Variants in NETO2 observed in about 807,000 individuals in gnomAD.
The protein encoded by NETO2 is neuropilin and tolloid like 2.
Under a neutral mutation model 62.5 loss-of-function variants are expected in NETO2, and 28 were observed. The ratio of observed to expected loss-of-function variants is 0.45; its 90% CI spans 0.33 to 0.61. The LOEUF is 0.61. Ranked by LOEUF, NETO2 falls within the 20% of genes least tolerant of loss-of-function variation. The pLI is 0.02. For missense variants in NETO2, 548 were observed against 643.2 expected, an observed-to-expected ratio of 0.85 and a Z score of 1.60; for synonymous variants, 214 against 219.1, an observed-to-expected ratio of 0.98 and a Z score of 0.21.
chr16:47,115,732 C>CGTATATATATATATAT (rs1963904659), intron 6 of NETO2, among the ~76,000 whole-genome samples: 2 of 134,490 alleles, frequency 1.5e-5, no homozygotes, highest in Admixed American at 7.3e-5. Context: ...TATATATATA[C>CGTATATATATATATAT]ATGTATATAT....
At chr16:47,113,723 C>T (rs1307760111) in intron 6 of NETO2, among the ~76,000 whole-genome samples, 1 of 151,392 alleles carries the variant, frequency 6.6e-6, no homozygotes, top group African/African-American at 2.4e-5. Context: ...TCCCAAGTAG[C>T]TGGGATTACA....
chr16:47,123,044 T>A lies in NETO2; in HGVS notation c.482-132A>T. 3.7e-6 allele frequency: 3 copies of A among 807,106 alleles called. No homozygotes were observed. In the South Asian group the frequency reaches 5.3e-5, roughly 14 times the overall value. 50.0% of individuals were successfully genotyped at this position (807,106 alleles called of 1,614,324 possible). A position where few individuals can be genotyped will look rare whatever the true frequency, so the allele number is the denominator to read the frequency against. ...TTTCATTGGTGAAAACTACATATCA[T>A]TGGTCATTTAGGAGCTCGCTTACAG... On this transcript the variant is annotated intron_variant, in intron 4 of 8. Transcript: ENST00000562435.
At position 47,099,435 on chromosome 16, in the gene NETO2, T is replaced by C. The variant is rs150431125; in HGVS notation, c.883+10048A>G. 3.0e-3 allele frequency among the ~76,000 whole-genome samples: 461 copies of C among 152,324 alleles called. 1 individual carries two copies. The highest frequency in any genetic ancestry group is 5.8e-3 in the Non-Finnish European group (397 of 68,026). On this transcript the variant is annotated intron_variant, in intron 7 of 8. Transcript: ENST00000562435. ...GCAAAATAACCAGCTACCATCATAA[T>C]GACAGGATCAAATTCGCACATAACA...
chr16:47,126,356 T>C (rs996372942), intron 4 of NETO2, among the ~76,000 whole-genome samples: 2 of 152,212 alleles, frequency 1.3e-5, no homozygotes, highest in Non-Finnish European at 1.5e-5. Context: ...AGGAAACTTA[T>C]ATGCATATTG....
intron 4 of NETO2, among the ~76,000 whole-genome samples, chr16:47,127,625 C>T (rs1964183881): frequency 6.6e-6 from 1 of 152,130 alleles, no homozygotes; most frequent in Non-Finnish European, 1.5e-5. Context: ...CCGGATTCTC[C>T]CCCAGGTTCC....
intron 6 of NETO2, 104 bp from the exon 7 acceptor site, chr16:47,109,815 C>G: frequency 1.3e-6 from 1 of 741,304 alleles, no homozygotes; most frequent in Non-Finnish European, 2.2e-6. Flanking sequence ...TGACAGCTGA[C>G]AGAAAACCAT....
At chr16:47,111,991 C>T (rs1208334846) in intron 6 of NETO2, among the ~76,000 whole-genome samples, 1 of 152,224 alleles carries the variant, frequency 6.6e-6, no homozygotes, top group African/African-American at 2.4e-5. Flanking sequence ...AAGCTACTAT[C>T]ATGAAAAGGC....
At chr16:47,115,687 C>T (rs572482823) in intron 6 of NETO2, among the ~76,000 whole-genome samples, 30 of 122,844 alleles carry the variant, frequency 2.4e-4, no homozygotes, top group South Asian at 6.8e-4. Flanking sequence ...CCACCATGCC[C>T]GGCTAATTTT....
At position 47,100,846 on chromosome 16, in the gene NETO2, G is replaced by A. The variant is rs539728524; in HGVS notation, c.883+8637C>T. ...AACCAAAAAAAGCCCAGGACCAGAT[G>A]GATTCACACCCAAATTCTACCAGAG... On this transcript the variant is annotated intron_variant, in intron 7 of 8. Coordinates refer to ENST00000562435, the MANE Select transcript of NETO2 (RefSeq NM_018092.5). Among the ~76,000 whole-genome samples, 11 of 152,216 alleles carry A rather than the reference G, an allele frequency of 7.2e-5. No individual in the cohort carries two copies. The South Asian group carries it at 1.5e-3, about 20-fold the overall frequency.
chr16:47,110,468 T>C (rs998681409), intron 6 of NETO2, among the ~76,000 whole-genome samples: 2 of 152,248 alleles, frequency 1.3e-5, no homozygotes, highest in Non-Finnish European at 2.9e-5. Context: ...AAGAGCCTAA[T>C]GAAGTAGGTA....
intron 7 of NETO2, among the ~76,000 whole-genome samples, chr16:47,101,672 C>A (rs1963548357): frequency 6.6e-6 from 1 of 152,156 alleles, no homozygotes; most frequent in Non-Finnish European, 1.5e-5. Flanking sequence ...TGAGTGAACT[C>A]CCATTCACAA....
chr16:47,099,906 C>T (rs941517931), intron 7 of NETO2, among the ~76,000 whole-genome samples: 6 of 152,072 alleles, frequency 3.9e-5, no homozygotes, highest in South Asian at 2.1e-4. Context: ...GATAACGAGA[C>T]GGAAAATTAA....
Position 47,083,518 on chromosome 16 carries a change from G to C in NETO2, c.1281C>G (p.Arg427=). 6.2e-7 allele frequency: 1 copy of C among 1,614,220 alleles called. No individual in the cohort carries two copies. The highest frequency in any genetic ancestry group is 8.5e-7 in the Non-Finnish European group (1 of 1,180,042). ...GGATGCAGCGGGAGGCGGTGGAGGAGCGCCGCATCTTCTGGTAGTTGTCCA... is the reference window on the plus strand; with the variant it reads ...GGATGCAGCGGGAGGCGGTGGAGGACCGCCGCATCTTCTGGTAGTTGTCCA... ...EELDNYQKMR[R]SSTASRCIHD... Residue 427 remains arginine, a synonymous_variant, in exon 9 of 9, where the codon CGC becomes CGG. Transcript: ENST00000562435.
chr16:47,125,075 A>C (rs930610542), intron 4 of NETO2, among the ~76,000 whole-genome samples: 1 of 152,222 alleles, frequency 6.6e-6, no homozygotes, highest in Non-Finnish European at 1.5e-5. Context: ...TTATTCAAAT[A>C]AGAGTATTCT....
chr16:47,130,870 C>A (rs1463580113), intron 2 of NETO2, among the ~76,000 whole-genome samples: 1 of 152,048 alleles, frequency 6.6e-6, no homozygotes, highest in African/African-American at 2.4e-5. Flanking sequence ...TAAACACTTA[C>A]GATCTGACCC....
intron 7 of NETO2, among the ~76,000 whole-genome samples, chr16:47,102,299 T>G (rs555709080): frequency 3.1e-4 from 47 of 152,236 alleles, no homozygotes; most frequent in African/African-American, 1.1e-3. Context: ...CAAGATAGAC[T>G]AAAGCCTTAA....
intron 1 of NETO2, among the ~76,000 whole-genome samples, chr16:47,132,878 T>C (rs918174761): frequency 5.9e-5 from 9 of 152,288 alleles, no homozygotes; most frequent in Non-Finnish European, 1.0e-4. Context: ...GAATCTAGGC[T>C]AGGGTTCAAG....
At chr16:47,130,463 T>C (rs1964243009) in intron 2 of NETO2, among the ~76,000 whole-genome samples, 1 of 150,736 alleles carries the variant, frequency 6.6e-6, no homozygotes, top group Non-Finnish European at 1.5e-5. Flanking sequence ...TAAATAATAA[T>C]AATAATAAAA....
intron 4 of NETO2, among the ~76,000 whole-genome samples, chr16:47,125,362 T>C (rs77303083): frequency 6.6e-6 from 1 of 152,078 alleles, no homozygotes; most frequent in East Asian, 1.9e-4. Flanking sequence ...TTTTTTTTTT[T>C]TCTGACAGAT....
Sources: gnomAD v4.1 joint callset for allele counts (sites outside exome capture counted in the v4.1 genomes callset) on GRCh38, gnomAD v4.1.1 for gene constraint, MANE v1.5 for transcripts, NCBI Gene and HGNC (gene_info 2026-07-23, HGNC 2026-07-21) for gene names.